Variants in MAEA observed in about 807,000 individuals in gnomAD.
MAEA encodes macrophage erythroblast attacher, E3 ubiquitin ligase, also known as E3 ubiquitin-protein transferase MAEA.
In MAEA, 22 loss-of-function variants were observed where a neutral mutation model predicts 46.2. The ratio of observed to expected loss-of-function variants is 0.48; its 90% CI spans 0.34 to 0.68. The LOEUF (loss-of-function observed/expected upper bound fraction) is 0.68, where lower values mean the gene tolerates loss of function less well. Among genes scored for constraint, MAEA ranks in the 30% least tolerant of loss-of-function variants. The pLI, the probability that MAEA is intolerant of heterozygous loss-of-function variation, is 0.01. For synonymous variants in MAEA, 246 were observed against 222.6 expected (o/e 1.11, Z -0.94); for missense variants, 393 against 558.1 (o/e 0.70, Z 2.98).
intron 5 of MAEA, chr4:1,329,651 C>G: frequency 1.0e-6 from 1 of 985,566 alleles, no homozygotes; most frequent in Middle Eastern, 5.2e-4. Context: ...AGTCCGGCCT[C>G]AGCTCAGCGT....
At chr4:1,303,724 A>T (rs1317349277) in intron 1 of MAEA, among the ~76,000 whole-genome samples, 1 of 152,120 alleles carries the variant, frequency 6.6e-6, no homozygotes, top group Non-Finnish European at 1.5e-5. Flanking sequence ...CCTTGTGCTT[A>T]TTCTAAAAAC....
chr4:1,325,712 C>T (rs1449107379), intron 4 of MAEA, among the ~76,000 whole-genome samples: 5 of 152,132 alleles, frequency 3.3e-5, no homozygotes, highest in African/African-American at 4.8e-5. Context: ...TTCCCGCTGG[C>T]CCTTCCCTTC....
At chr4:1,297,304 G>T (rs1260829601) in intron 1 of MAEA, among the ~76,000 whole-genome samples, 1 of 152,214 alleles carries the variant, frequency 6.6e-6, no homozygotes, top group Admixed American at 6.5e-5. Context: ...TCGCGGCCAG[G>T]AGGAGGGTAA....
intron 3 of MAEA, among the ~76,000 whole-genome samples, chr4:1,317,956 G>A (rs1438040136): frequency 4.6e-5 from 7 of 152,162 alleles, no homozygotes; most frequent in Non-Finnish European, 8.8e-5. Context: ...CCCCCATCTG[G>A]TGCCATTTTT....
chr4:1,323,415 A>G (rs1228476092), intron 4 of MAEA: 2 of 695,072 alleles, frequency 2.9e-6, no homozygotes, highest in East Asian at 5.4e-5. Flanking sequence ...TTCTAAACTG[A>G]GCGCTGCTTT....
Position 1,315,366 on chromosome 4 carries a change from C to T in MAEA, c.253-31C>T, listed in dbSNP as rs778088640. The T allele has an allele frequency of 3.1e-6, 5 of 1,609,526 alleles. No individual in the cohort carries two copies. The East Asian group carries it at 1.1e-4, about 36-fold the overall frequency. ...GTGCAGGGCTGCGGGGCATCCCTGT[C>T]CTGAACGTGCCTCTGTTGTGTGTGG... On this transcript the variant is annotated intron_variant, in intron 2 of 8. Transcript: ENST00000303400.
At chr4:1,328,591 C>G in intron 5 of MAEA, 2 of 1,197,752 alleles carry the variant, frequency 1.7e-6, no homozygotes, top group Non-Finnish European at 2.1e-6. Flanking sequence ...GGCACCTGTC[C>G]ATGCCCACAG....
chr4:1,321,217 A>G (rs1178343907), intron 3 of MAEA, among the ~76,000 whole-genome samples: 6 of 152,176 alleles, frequency 3.9e-5, no homozygotes, highest in Non-Finnish European at 8.8e-5. Context: ...ATCAAAGCAA[A>G]TGTGCAAGAA....
chr4:1,328,581 G>A (rs1739137972), intron 5 of MAEA: 1 of 1,179,058 alleles, frequency 8.5e-7, no homozygotes, highest in Non-Finnish European at 1.1e-6. Flanking sequence ...GCCAGGAGGG[G>A]GCACCTGTCC....
At chr4:1,318,298 CT>C (rs1737570243) in intron 3 of MAEA, among the ~76,000 whole-genome samples, 3 of 152,358 alleles carry the variant, frequency 2.0e-5, no homozygotes, top group African/African-American at 7.2e-5. Context: ...GTGGGTGCCC[CT>C]GGCCCCAGGG....
chr4:1,290,987 G>A (rs1734051076), intron 1 of MAEA, among the ~76,000 whole-genome samples: 1 of 152,148 alleles, frequency 6.6e-6, no homozygotes, highest in African/African-American at 2.4e-5. Context: ...CAGTGGTAGC[G>A]CCTGTGTCAC....
intron 6 of MAEA, among the ~76,000 whole-genome samples, chr4:1,336,379 A>C (rs945408145): frequency 6.6e-6 from 1 of 152,144 alleles, no homozygotes; most frequent in Non-Finnish European, 1.5e-5. Flanking sequence ...TGTTGAAATC[A>C]GAGTTAAGTC....
In MAEA at chr4:1,332,876, C is replaced by G; in HGVS notation, c.765+11C>G. On this transcript the variant is annotated intron_variant, in intron 6 of 8. Transcript: ENST00000303400. ...ATCTCCCCGTACAAGGTAGGGCGTGCGTCCCTGGGGTCGGTGTCATGCTGG... is the reference window on the plus strand; with the variant it reads ...ATCTCCCCGTACAAGGTAGGGCGTGGGTCCCTGGGGTCGGTGTCATGCTGG... 1.3e-6 allele frequency: 2 copies of G among 1,594,522 alleles called. No homozygotes were observed. The highest frequency in any genetic ancestry group is 1.7e-6 in the Non-Finnish European group (2 of 1,166,024).
chr4:1,321,364 C>T (rs1050290283), intron 3 of MAEA, among the ~76,000 whole-genome samples: 4 of 150,312 alleles, frequency 2.7e-5, no homozygotes, highest in African/African-American at 9.8e-5. Context: ...AACGAGAAAC[C>T]GTTAAAGAAA....
chr4:1,323,070 C>G (rs1045746583), intron 4 of MAEA, among the ~76,000 whole-genome samples: 1 of 146,446 alleles, frequency 6.8e-6, no homozygotes, highest in African/African-American at 2.5e-5. Flanking sequence ...CCTTGGCCTC[C>G]TGAGTAGCTG....
intron 5 of MAEA, chr4:1,329,370 G>A (rs578097575): frequency 7.0e-5 from 69 of 985,434 alleles, no homozygotes; most frequent in Admixed American, 4.3e-4. Flanking sequence ...CTGCCCTAGA[G>A]ACTCGCGGGG....
intron 5 of MAEA, chr4:1,330,310 T>TTCTCTCCCTCTCTCTCTC: frequency 7.7e-6 from 1 of 130,244 alleles, no homozygotes. Flanking sequence ...TTCTGGGTGT[T>TTCTCTCCCTCTCTCTCTC]TCTCTCTCTC....
intron 1 of MAEA, among the ~76,000 whole-genome samples, chr4:1,297,169 C>G (rs1734816745): frequency 6.6e-6 from 1 of 152,246 alleles, no homozygotes; most frequent in Non-Finnish European, 1.5e-5. Flanking sequence ...GCCACCCTTC[C>G]CAAGTCAGTT....
At chr4:1,324,776 T>C (rs755252136) in intron 4 of MAEA, among the ~76,000 whole-genome samples, 8 of 145,456 alleles carry the variant, frequency 5.5e-5, no homozygotes, top group Admixed American at 1.4e-4. Context: ...GTGTGTCTGG[T>C]GTTGGATAAA....
Sources: gnomAD v4.1 joint callset for allele counts (sites outside exome capture counted in the v4.1 genomes callset) on GRCh38, gnomAD v4.1.1 for gene constraint, MANE v1.5 for transcripts, NCBI Gene and HGNC (gene_info 2026-07-23, HGNC 2026-07-21) for gene names.